Variants in NXPH2 observed in about 807,000 individuals in gnomAD.
The protein encoded by NXPH2 is neurexophilin-2.
A neutral mutation model predicts 19.8 loss-of-function variants in NXPH2; 5 were observed. The observed-to-expected ratio is 0.25, with a 90% CI of 0.13 to 0.53. NXPH2 has a LOEUF of 0.53. NXPH2 is among the 20% of genes least tolerant of loss of function. NXPH2 has a pLI of 0.96. For synonymous variants in NXPH2, 154 were observed against 127.4 expected (o/e 1.21, Z -1.41); for missense variants, 289 against 322.8 (o/e 0.90, Z 0.80).
rs1179101803 is a variant in NXPH2 at position 138,669,207 on chromosome 2, C to T, written c.*1715G>A. On this transcript the variant is annotated 3_prime_UTR_variant, in exon 2 of 2. Coordinates refer to ENST00000272641, the MANE Select transcript of NXPH2 (RefSeq NM_007226.3). ...TTTTTATTTACATAAAATGTGTACA[C>T]ATACTTTCTCTGTACACAGAAAATT... 6.6e-6 allele frequency among the ~76,000 whole-genome samples: 1 copy of T among 152,110 alleles called. No individual in the cohort carries two copies. Among genetic ancestry groups the T allele is most frequent in the Non-Finnish European group, 1.5e-5 (1 of 68,026 alleles).
intron 1 of NXPH2, among the ~76,000 whole-genome samples, chr2:138,743,167 C>G (rs1681671041): frequency 1.3e-5 from 2 of 152,112 alleles, no homozygotes; most frequent in Admixed American, 6.5e-5. Context: ...AGGCAGTTAG[C>G]CTGCATTAAT....
chr2:138,767,626 A>G (rs560025995), intron 1 of NXPH2, among the ~76,000 whole-genome samples: 14 of 152,164 alleles, frequency 9.2e-5, no homozygotes, highest in African/African-American at 3.4e-4. Context: ...AATATCTCCT[A>G]CCCTACAAAC....
chr2:138,756,249 T>C lies in NXPH2; in HGVS notation c.51+23942A>G, dbSNP rs1253605650. Among the ~76,000 whole-genome samples the C allele has an allele frequency of 3.3e-5, 5 of 152,244 alleles. No individual in the cohort carries two copies. In the East Asian group the frequency reaches 9.6e-4, roughly 29 times the overall value. ...CTAGAACTTCCAATATAAATCTTTT[T>C]CATTTTGATCAAAACATATAATGCC... On this transcript the variant is annotated intron_variant, in intron 1 of 1. Transcript: ENST00000272641.
intron 1 of NXPH2, among the ~76,000 whole-genome samples, chr2:138,692,665 A>G (rs1040626878): frequency 6.6e-6 from 1 of 152,216 alleles, no homozygotes; most frequent in African/African-American, 2.4e-5. Flanking sequence ...CCTCATTCTT[A>G]TGCATAGCAT....
chr2:138,696,749 G>A (rs1289999054), intron 1 of NXPH2, among the ~76,000 whole-genome samples: 1 of 152,048 alleles, frequency 6.6e-6, no homozygotes, highest in Non-Finnish European at 1.5e-5. Context: ...TTACTTCTAG[G>A]TATTTATCCA....
chr2:138,676,316 A>G (rs926356872), intron 1 of NXPH2, among the ~76,000 whole-genome samples: 5 of 152,144 alleles, frequency 3.3e-5, no homozygotes, highest in African/African-American at 1.2e-4. Flanking sequence ...TCTTGTTATT[A>G]ATCATCACTT....
At chr2:138,733,793 A>C (rs375112222) in intron 1 of NXPH2, among the ~76,000 whole-genome samples, 11 of 152,220 alleles carry the variant, frequency 7.2e-5, no homozygotes, top group East Asian at 5.8e-4. Flanking sequence ...AATGACATTG[A>C]GTAATACAAT....
intron 1 of NXPH2, among the ~76,000 whole-genome samples, chr2:138,751,112 C>A (rs1253499292): frequency 1.2e-5 from 1 of 80,198 alleles, no homozygotes; most frequent in Non-Finnish European, 3.5e-5. Flanking sequence ...AGACTTACTG[C>A]TATTTTCTAT....
intron 1 of NXPH2, among the ~76,000 whole-genome samples, chr2:138,760,176 A>G (rs556091302): frequency 3.3e-5 from 5 of 152,126 alleles, no homozygotes; most frequent in Non-Finnish European, 7.4e-5. Context: ...AACAAACCCA[A>G]CTCTACATCA....
chr2:138,705,504 G>C (rs1680995380), intron 1 of NXPH2, among the ~76,000 whole-genome samples: 1 of 152,110 alleles, frequency 6.6e-6, no homozygotes, highest in African/African-American at 2.4e-5. Flanking sequence ...CCTCTTAGTA[G>C]ATTTTACTCA....
chr2:138,698,382 T>G (rs980467331), intron 1 of NXPH2, among the ~76,000 whole-genome samples: 3 of 152,164 alleles, frequency 2.0e-5, no homozygotes, highest in African/African-American at 7.2e-5. Flanking sequence ...CTAAAGTACA[T>G]ATAGGTTATG....
chr2:138,760,709 T>C (rs930098641), intron 1 of NXPH2, among the ~76,000 whole-genome samples: 1 of 152,180 alleles, frequency 6.6e-6, no homozygotes. Context: ...ACCCATGGTA[T>C]CTATCTCCCA....
chr2:138,731,491 A>G (rs1381676290), intron 1 of NXPH2, among the ~76,000 whole-genome samples: 3 of 152,140 alleles, frequency 2.0e-5, no homozygotes, highest in Non-Finnish European at 4.4e-5. Flanking sequence ...GTTTGTCATC[A>G]TCTCTCTGGG....
At chr2:138,740,362 G>C (rs1211698246) in intron 1 of NXPH2, among the ~76,000 whole-genome samples, 1 of 152,128 alleles carries the variant, frequency 6.6e-6, no homozygotes, top group Non-Finnish European at 1.5e-5. Flanking sequence ...TGTTTTTTCT[G>C]TTTCCTCTCT....
chr2:138,739,558 A>G (rs753773430), intron 1 of NXPH2, among the ~76,000 whole-genome samples: 1 of 152,188 alleles, frequency 6.6e-6, no homozygotes, highest in Non-Finnish European at 1.5e-5. Flanking sequence ...TACCTGCCAC[A>G]TGGGCACCAC....
chr2:138,731,278 T>C (rs2104999818), intron 1 of NXPH2, among the ~76,000 whole-genome samples: 1 of 152,248 alleles, frequency 6.6e-6, no homozygotes, highest in Middle Eastern at 3.4e-3. Context: ...TATTGCTGTG[T>C]TCTTGTTAGA....
chr2:138,748,473 G>A (rs2105010327), intron 1 of NXPH2, among the ~76,000 whole-genome samples: 1 of 152,296 alleles, frequency 6.6e-6, no homozygotes, highest in South Asian at 2.1e-4. Context: ...GACAAGAATA[G>A]AGTACAAATA....
intron 1 of NXPH2, among the ~76,000 whole-genome samples, chr2:138,733,441 C>T (rs372508065): frequency 6.6e-6 from 1 of 152,116 alleles, no homozygotes; most frequent in African/African-American, 2.4e-5. Flanking sequence ...CTTCAAGTGA[C>T]TCAAAACTGG....
chr2:138,776,047 T>C (rs975456736), intron 1 of NXPH2, among the ~76,000 whole-genome samples: 1 of 152,118 alleles, frequency 6.6e-6, no homozygotes, highest in South Asian at 2.1e-4. Flanking sequence ...CTAGAGCTTT[T>C]ACAAAATCAC....
Sources: gnomAD v4.1 joint callset for allele counts (sites outside exome capture counted in the v4.1 genomes callset) on GRCh38, gnomAD v4.1.1 for gene constraint, MANE v1.5 for transcripts, NCBI Gene and HGNC (gene_info 2026-07-23, HGNC 2026-07-21) for gene names.